RAB27A: variants seen among roughly 807,000 people sequenced by gnomAD.
RAB27A encodes RAB27A, member RAS oncogene family.
In RAB27A, 17 loss-of-function variants were observed where a neutral mutation model predicts 20.8. That is an observed-to-expected ratio of 0.82 (90% CI 0.56 to 1.23). RAB27A has a LOEUF of 1.23. Ranked by LOEUF, RAB27A falls within the 50% of genes most tolerant of loss-of-function variation. The pLI is 0.00. For synonymous variants in RAB27A, 85 were observed against 92.8 expected, an observed-to-expected ratio of 0.92 and a Z score of 0.48; for missense variants, 277 against 266.7, an observed-to-expected ratio of 1.04 and a Z score of -0.27.
At chr15:55,228,551 G>T (rs1443891107) in intron 5 of RAB27A, 58 bp downstream of exon 5, 2 of 1,248,982 alleles carry the variant, frequency 1.6e-6, no homozygotes, top group Admixed American at 1.7e-5. Flanking sequence ...GCATAAGAGG[G>T]CATTCTATAA....
intron 2 of RAB27A, among the ~76,000 whole-genome samples, chr15:55,260,367 T>C (rs994647835): frequency 2.0e-5 from 3 of 152,248 alleles, no homozygotes; most frequent in Non-Finnish European, 2.9e-5. Flanking sequence ...CCCTTTGTTA[T>C]AGACAGTTTG....
intron 3 of RAB27A, among the ~76,000 whole-genome samples, chr15:55,231,911 CAAAA>C (rs113786563): frequency 6.8e-6 from 1 of 146,748 alleles, no homozygotes; most frequent in Admixed American, 6.8e-5. Context: ...ACAACAACAA[CAAAA>C]AAAAAATTTA....
chr15:55,252,362 G>A (rs1325081376), intron 2 of RAB27A, among the ~76,000 whole-genome samples: 1 of 152,176 alleles, frequency 6.6e-6, no homozygotes, highest in Non-Finnish European at 1.5e-5. Context: ...CCAGCACTTT[G>A]GCAGGCCAAG....
chr15:55,303,658 T>TG (rs1166298109), intron 2 of RAB27A, among the ~76,000 whole-genome samples: 1,291 of 54,668 alleles, frequency 0.024, 38 homozygotes, highest in East Asian at 0.076. Flanking sequence ...GGGAGGGAGG[T>TG]GGGGGGGGTC....
At chr15:55,319,119 G>A (rs2055100584), upstream of RAB27A, 1 of 1,108,502 alleles carries the variant, frequency 9.0e-7, no homozygotes, top group Non-Finnish European at 1.3e-6. Context: ...TCGGGTGGGA[G>A]CTACGAAGTT....
chr15:55,313,599 C>T (rs775387142), intron 2 of RAB27A, among the ~76,000 whole-genome samples: 1 of 152,156 alleles, frequency 6.6e-6, no homozygotes, highest in African/African-American at 2.4e-5. Flanking sequence ...CTACGCCAGG[C>T]GCAGTGGCTC....
chr15:55,303,139 T>G (rs1595755682), intron 2 of RAB27A, among the ~76,000 whole-genome samples: 1 of 101,410 alleles, frequency 9.9e-6, no homozygotes. Context: ...GGTGGGGGGG[T>G]CAGCCCCCCG....
At chr15:55,311,512 G>A (rs931003963) in intron 2 of RAB27A, among the ~76,000 whole-genome samples, 4 of 152,084 alleles carry the variant, frequency 2.6e-5, no homozygotes, top group Admixed American at 2.6e-4. Context: ...GGGGACGCTG[G>A]GGTAGGGAGG....
intron 6 of RAB27A, among the ~76,000 whole-genome samples, chr15:55,215,945 C>CAA (rs1162706734): frequency 0.15 from 7,587 of 51,570 alleles, 948 homozygotes; most frequent in African/African-American, 0.32. Flanking sequence ...GACGCCGTCT[C>CAA]AAAAAAAAAA....
chr15:55,217,663 C>CAAAAAAAAAAAAA (rs199813098), intron 6 of RAB27A, among the ~76,000 whole-genome samples: 6 of 43,546 alleles, frequency 1.4e-4, no homozygotes, highest in African/African-American at 1.8e-4. Context: ...CACTCCATCT[C>CAAAAAAAAAAAAA]AAAAAAAAAA....
At chr15:55,226,778 G>A (rs776895864) in intron 5 of RAB27A, among the ~76,000 whole-genome samples, 2 of 150,458 alleles carry the variant, frequency 1.3e-5, no homozygotes, top group Non-Finnish European at 2.9e-5. Flanking sequence ...TGAGGCAGGA[G>A]AATTGCTTGA....
intron 1 of RAB27A, among the ~76,000 whole-genome samples, chr15:55,277,918 C>A (rs1897917173): frequency 6.6e-6 from 1 of 152,204 alleles, no homozygotes; most frequent in African/African-American, 2.4e-5. Flanking sequence ...GTTACTTCAT[C>A]TTCTTCAACC....
rs997764047 is a variant in RAB27A, at chr15:55,296,427, C to G, written c.-112+17612G>C. 3.3e-5 allele frequency among the ~76,000 whole-genome samples: 5 copies of G among 152,090 alleles called. No individual in the cohort carries two copies. In the East Asian group the frequency reaches 9.8e-4, roughly 30 times the overall value. ...ATGAGAATCACTTGAACCCGGGAGG[C>G]AGAGGTTCCAGTGAGCCTAGATGCC... On this transcript the variant is annotated intron_variant, in intron 2 of 5. Coordinates refer to the RAB27A transcript ENST00000563262.
chr15:55,273,360 G>A (rs1897762001), intron 1 of RAB27A, among the ~76,000 whole-genome samples: 1 of 149,744 alleles, frequency 6.7e-6, no homozygotes, highest in Non-Finnish European at 1.5e-5. Flanking sequence ...AGTGAGCCAA[G>A]ATCGCGCCAC....
chr15:55,252,305 A>ATAT (rs1896919377), intron 2 of RAB27A, among the ~76,000 whole-genome samples: 1 of 152,114 alleles, frequency 6.6e-6, no homozygotes. Flanking sequence ...ATTTACCACT[A>ATAT]TATTATTCAT....
chr15:55,290,372 C>T (rs1414887307), upstream of RAB27A: 1 of 152,180 alleles, frequency 6.6e-6, no homozygotes, highest in African/African-American at 2.4e-5. Flanking sequence ...ACGGCGTTTC[C>T]GGGGCAAGGG....
At chr15:55,223,629 C>G in intron 6 of RAB27A, among the ~76,000 whole-genome samples, 1 of 152,176 alleles carries the variant, frequency 6.6e-6, no homozygotes, top group East Asian at 1.9e-4. Context: ...TAAGGCGCCT[C>G]TGAGACAACT....
At chr15:55,270,703 C>T (rs1428145213) in intron 1 of RAB27A, 3 of 152,132 alleles carry the variant, frequency 2.0e-5, no homozygotes, top group African/African-American at 7.2e-5. Flanking sequence ...TCCAAACAAA[C>T]AATATGGGGG....
chr15:55,257,084 A>G (rs940708123), intron 2 of RAB27A, among the ~76,000 whole-genome samples: 3 of 152,224 alleles, frequency 2.0e-5, no homozygotes, highest in Admixed American at 1.3e-4. Context: ...CAAAGAATAA[A>G]GCCTAGGGGG....
Sources: allele counts gnomAD v4.1 joint callset (sites outside exome capture counted in the v4.1 genomes callset), GRCh38; gene constraint gnomAD v4.1.1; transcripts MANE v1.5; gene names NCBI Gene and HGNC (gene_info 2026-07-23, HGNC 2026-07-21).